The following SUPT5H variants were observed in gnomAD, a reference collection of about 807,000 sequenced individuals.
The protein encoded by SUPT5H is SPT5 homolog, DSIF elongation factor subunit.
SUPT5H carries 24 observed loss-of-function variants against 142.5 expected under a neutral mutation model. That is an observed-to-expected ratio of 0.17 (90% CI 0.12 to 0.24). The LOEUF (loss-of-function observed/expected upper bound fraction) is 0.24, where lower values mean the gene tolerates loss of function less well. Among genes scored for constraint, SUPT5H ranks in the 10% least tolerant of loss-of-function variants. The pLI, the probability that SUPT5H is intolerant of heterozygous loss-of-function variation, is 1.00. For synonymous variants in SUPT5H, 546 were observed against 553.0 expected, an observed-to-expected ratio of 0.99 and a Z score of 0.18; for missense variants, 893 against 1,471.8, an observed-to-expected ratio of 0.61 and a Z score of 6.43.
intron 3 of SUPT5H, among the ~76,000 whole-genome samples, chr19:39,456,008 C>T (rs551938783): frequency 1.4e-5 from 2 of 147,334 alleles, no homozygotes; most frequent in African/African-American, 5.0e-5. Context: ...CTCACTGCAA[C>T]CTCTGCCTCC....
At chr19:39,454,055 A>G (rs1216387094) in intron 3 of SUPT5H, among the ~76,000 whole-genome samples, 1 of 152,242 alleles carries the variant, frequency 6.6e-6, no homozygotes, top group Non-Finnish European at 1.5e-5. Flanking sequence ...TTAGGTAATA[A>G]GACTTTGTAG....
At position 39,454,650 on chromosome 19, in the gene SUPT5H, T is replaced by A. The variant is rs2079064697; in HGVS notation, c.241+1129T>A. Among the ~76,000 whole-genome samples, 4 of 152,136 alleles carry A rather than the reference T, an allele frequency of 2.6e-5. No individual in the cohort carries two copies. The South Asian group carries it at 6.2e-4, about 24-fold the overall frequency. ...CCACCATGCCTGGCCGCACTTTTTTTAAAAAAAGATTTTTTATATTTACGG... is the reference window on the plus strand; with the variant it reads ...CCACCATGCCTGGCCGCACTTTTTTAAAAAAAAGATTTTTTATATTTACGG... On this transcript the variant is annotated intron_variant, in intron 3 of 29. Coordinates refer to ENST00000432763, the MANE Select transcript of SUPT5H (RefSeq NM_001111020.3).
Position 39,453,469 on chromosome 19 carries a change from T to A in SUPT5H, c.189T>A (p.Asp63Glu). 1 of 1,552,682 alleles carries A rather than the reference T, an allele frequency of 6.4e-7. No individual in the cohort carries two copies. Among genetic ancestry groups the A allele is most frequent in the Non-Finnish European group, 8.7e-7 (1 of 1,147,424 alleles). ...EYDEEEEEED[D>E]DRPPKKPRHG... ...ATGAGGAAGAGGAGGAAGAAGATGA[T>A]GACCGACCCCCCAAGAAACCCCGCC... is the stretch of plus-strand genomic sequence containing the variant. Residue 63 changes from aspartate to glutamate, a missense_variant, in exon 3 of 30, where the codon GAT becomes GAA. This residue lies in a region of SUPT5H where 19 missense variants were observed against 27.2 expected (regional missense o/e 0.70). Coordinates refer to ENST00000432763, the MANE Select transcript of SUPT5H (RefSeq NM_001111020.3).
chr19:39,476,649 A>T lies in SUPT5H; in HGVS notation c.*250A>T, dbSNP rs2079410625. ...CTTTTGTTGTACCGTCTTTCAATAA[A>T]AAGAAGCTGTTTGGTCTAAAAGTGC... On this transcript the variant is annotated 3_prime_UTR_variant, in exon 30 of 30. Coordinates refer to ENST00000432763, the MANE Select transcript of SUPT5H (RefSeq NM_001111020.3). The T allele has an allele frequency of 1.9e-6, 1 of 539,554 alleles. No homozygotes were observed. The allele number at this position is 539,554 out of a possible 1,614,324, so 33.4% of individuals were successfully genotyped here. A position where few individuals can be genotyped will look rare whatever the true frequency, so the allele number is the denominator to read the frequency against.
chr19:39,456,400 G>GTTTTTT (rs1555742917), intron 3 of SUPT5H, among the ~76,000 whole-genome samples: 3 of 81,546 alleles, frequency 3.7e-5, no homozygotes, highest in African/African-American at 2.0e-4. Flanking sequence ...TGACTAGACT[G>GTTTTTT]TTTTTTTTTG....
In SUPT5H at chr19:39,470,640, T is replaced by G; in HGVS notation, c.1677+117T>G. On this transcript the variant is annotated intron_variant, in intron 18 of 29. Coordinates refer to ENST00000432763, the MANE Select transcript of SUPT5H (RefSeq NM_001111020.3). The surrounding 1 kb of genome is among the most constrained non-coding windows in gnomAD (Gnocchi z 5.8). ...CTGCTCTGGGTTGCAGATCTGGCTCTGTCACTTACATCTGAATGGCTGATA... is the reference window on the plus strand; with the variant it reads ...CTGCTCTGGGTTGCAGATCTGGCTCGGTCACTTACATCTGAATGGCTGATA... 1 of 1,207,590 alleles carries G rather than the reference T, an allele frequency of 8.3e-7. No individual in the cohort carries two copies. Among genetic ancestry groups the G allele is most frequent in the Non-Finnish European group, 1.1e-6 (1 of 887,588 alleles). The allele number at this position is 1,207,590 out of a possible 1,614,324, so 74.8% of individuals were successfully genotyped here.
intron 2 of SUPT5H, among the ~76,000 whole-genome samples, chr19:39,449,018 A>T (rs771261797): frequency 8.5e-5 from 12 of 141,278 alleles, no homozygotes; most frequent in Non-Finnish European, 1.5e-4. Flanking sequence ...TGAACGCAGG[A>T]GACAGAGCTT....
chr19:39,458,478 G>C lies in SUPT5H; in HGVS notation c.319+173G>C. 8.3e-7 allele frequency: 1 copy of C among 1,209,910 alleles called. No homozygotes were observed. The highest frequency in any genetic ancestry group is 1.2e-6 in the Non-Finnish European group (1 of 865,490). The allele number at this position is 1,209,910 out of a possible 1,614,324, so 74.9% of individuals were successfully genotyped here. A position where few individuals can be genotyped will look rare whatever the true frequency, so the allele number is the denominator to read the frequency against. ...GAGTTCTGGGGCCAGGTATACCCCA[G>C]TTGTTGACCTGGGAAAGCACGGATG... On this transcript the variant is annotated intron_variant, in intron 5 of 29. Coordinates refer to ENST00000432763, the MANE Select transcript of SUPT5H (RefSeq NM_001111020.3). This position sits in a 1 kb window ranked among gnomAD's most constrained non-coding sequence, Gnocchi z 4.2.
chr19:39,458,767 C>T lies in SUPT5H; in HGVS notation c.320-51C>T, dbSNP rs745909675. On this transcript the variant is annotated intron_variant, in intron 5 of 29. Transcript: ENST00000432763. The surrounding 1 kb of genome is among the most constrained non-coding windows in gnomAD (Gnocchi z 4.2). Reference sequence around the variant, plus strand: ...GCTGCACGCTCCTATTTTCTCCAGGCCCCTGCCCTCCACCTGCCCTTGCTC... The same window carrying T: ...GCTGCACGCTCCTATTTTCTCCAGGTCCCTGCCCTCCACCTGCCCTTGCTC... The T allele has an allele frequency of 6.5e-7, 1 of 1,542,012 alleles. No individual in the cohort carries two copies. Among genetic ancestry groups the T allele is most frequent in the South Asian group, 1.2e-5 (1 of 83,084 alleles).
rs749549214 is a variant in SUPT5H, at chr19:39,469,380, C to T, written c.1356C>T (p.Pro452=). The T allele has an allele frequency of 3.1e-6, 5 of 1,614,244 alleles. No individual in the cohort carries two copies. The South Asian group carries it at 5.5e-5, about 18-fold the overall frequency. ...ATGGCAACAAGATCACCATCATGCC[C>T]AAGCATGAGGACCTCAAGGTGGGTG... is the stretch of plus-strand genomic sequence containing the variant. ...SVDGNKITIM[P]KHEDLKDMLE... is the part of the protein sequence containing the mutation. The change falls in exon 16 of 30, where the codon CCC becomes CCT. Residue 452 remains proline, a synonymous_variant. Transcript: ENST00000432763. The surrounding 1 kb of genome is among the most constrained non-coding windows in gnomAD (Gnocchi z 5.1).
At position 39,473,333 on chromosome 19, in the gene SUPT5H, G is replaced by A. The variant is rs547211076; in HGVS notation, c.2386+3G>A. ...CTCACAGACACCCCTCCAGGATGGT[G>A]AGTGCCCGCAGGGGACAGGGAAGAG... On this transcript the variant is annotated splice_donor_region_variant and intron_variant, in intron 24 of 29. Transcript: ENST00000432763. The surrounding 1 kb of genome is among the most constrained non-coding windows in gnomAD (Gnocchi z 5.8). The A allele has an allele frequency of 1.2e-6, 2 of 1,613,800 alleles. No individual in the cohort carries two copies. The highest frequency in any genetic ancestry group is 1.7e-5 in the Admixed American group (1 of 60,016).
chr19:39,470,327 G>A lies in SUPT5H; in HGVS notation c.1531-50G>A. The stretch of plus-strand genomic sequence containing the variant: ...GTGCACGTGCCAAGAGGAGACCCAG[G>A]TAGGCGAGCCACCTGGACTGGGCCT... On this transcript the variant is annotated intron_variant, in intron 17 of 29. Coordinates refer to ENST00000432763, the MANE Select transcript of SUPT5H (RefSeq NM_001111020.3). The surrounding 1 kb of genome is among the most constrained non-coding windows in gnomAD (Gnocchi z 5.8). The A allele has an allele frequency of 6.5e-7, 1 of 1,542,372 alleles. No homozygotes were observed. The highest frequency in any genetic ancestry group is 1.4e-5 in the African/African-American group (1 of 73,096).
Position 39,473,662 on chromosome 19 carries a change from A to G in SUPT5H, c.2492+141A>G. On this transcript the variant is annotated intron_variant, in intron 25 of 29. Coordinates refer to ENST00000432763, the MANE Select transcript of SUPT5H (RefSeq NM_001111020.3). The surrounding 1 kb of genome is among the most constrained non-coding windows in gnomAD (Gnocchi z 5.8). ...CTCAGGCTGGTCCCTTTGAAGGAGG[A>G]GGCATAGCATGGCGGGGCGGGGGCA... 1 of 1,068,322 alleles carries G rather than the reference A, an allele frequency of 9.4e-7. No homozygotes were observed. The allele number at this position is 1,068,322 out of a possible 1,614,324, so 66.2% of individuals were successfully genotyped here.
In SUPT5H at chr19:39,464,791, C is replaced by G. The variant is rs1485407522; in HGVS notation, c.625-7C>G. The G allele has an allele frequency of 1.3e-6, 2 of 1,592,762 alleles. No individual in the cohort carries two copies. The highest frequency in any genetic ancestry group is 1.7e-6 in the Non-Finnish European group (2 of 1,164,256). On this transcript the variant is annotated splice_region_variant and splice_polypyrimidine_tract_variant and intron_variant, in intron 10 of 29. Coordinates refer to ENST00000432763, the MANE Select transcript of SUPT5H (RefSeq NM_001111020.3). Reference sequence around the variant, plus strand: ...CTGTTTCCTCCTTCCACCGGCTCACCCTGCAGCCCCTGCAGATCAAGTCAG... The same window carrying G: ...CTGTTTCCTCCTTCCACCGGCTCACGCTGCAGCCCCTGCAGATCAAGTCAG...
At chr19:39,471,275 A>T in intron 18 of SUPT5H, 82 bp from the exon 19 acceptor site, 3 of 1,540,316 alleles carry the variant, frequency 1.9e-6, no homozygotes, top group Non-Finnish European at 2.7e-6. Context: ...ACAAGGAAGG[A>T]TTATCCCACT....
In SUPT5H at chr19:39,474,175, C is replaced by T; in HGVS notation, c.2651+54C>T. The T allele has an allele frequency of 1.2e-6, 2 of 1,611,384 alleles. No homozygotes were observed. Among genetic ancestry groups the T allele is most frequent in the Non-Finnish European group, 1.7e-6 (2 of 1,178,642 alleles). ...ACCCCTGCCCAAACCCTCCTACTGC[C>T]ACCACCTCTTTTCCCCTCCCTCCTC... On this transcript the variant is annotated intron_variant, in intron 26 of 29. Coordinates refer to ENST00000432763, the MANE Select transcript of SUPT5H (RefSeq NM_001111020.3). The surrounding 1 kb of genome is among the most constrained non-coding windows in gnomAD (Gnocchi z 6.5).
chr19:39,464,893 G>A lies in SUPT5H; in HGVS notation c.720G>A (p.Glu240=), dbSNP rs2304217. The change falls in exon 11 of 30, where the codon GAG becomes GAA. Residue 240 remains glutamate (E), a synonymous_variant. Coordinates refer to ENST00000432763, the MANE Select transcript of SUPT5H (RefSeq NM_001111020.3). ...YKQTHVKQAI[E]GVGNLRLGYW... is the part of the protein sequence containing the mutation. ...AGACCCACGTGAAGCAGGCCATTGAGGGGGTGGGCAACCTGCGGCTTGGCT... is the reference window on the plus strand; with the variant it reads ...AGACCCACGTGAAGCAGGCCATTGAAGGGGTGGGCAACCTGCGGCTTGGCT... 0.17 allele frequency: 270,120 copies of A among 1,614,046 alleles called. 23,302 individuals are homozygous for A. Among genetic ancestry groups the A allele is most frequent in the Non-Finnish European group, 0.18 (210,439 of 1,180,004 alleles).
chr19:39,459,982 C>G (rs778523503), intron 10 of SUPT5H, 22 bp downstream of exon 10: 4 of 1,613,294 alleles, frequency 2.5e-6, no homozygotes, highest in Non-Finnish European at 3.4e-6. Context: ...AGACAGGCGG[C>G]TTGGTGGGGA....
intron 3 of SUPT5H, among the ~76,000 whole-genome samples, chr19:39,455,435 GC>G (rs1371452041): frequency 6.6e-6 from 1 of 151,584 alleles, no homozygotes; most frequent in Non-Finnish European, 1.5e-5. Flanking sequence ...GGTGGCGGGC[GC>G]CTGTAATCCC....
Sources: gnomAD v4.1 joint callset for allele counts (sites outside exome capture counted in the v4.1 genomes callset) on GRCh38, gnomAD v4.1.1 for gene constraint, gnomAD v4.1.1 regional missense constraint, Gnocchi (gnomAD v3.1) non-coding constraint, MANE v1.5 for transcripts, NCBI Gene and HGNC (gene_info 2026-07-23, HGNC 2026-07-21) for gene names.